CDH18: variants seen among roughly 807,000 people sequenced by gnomAD.
The protein encoded by CDH18 is cadherin-18.
Under a neutral mutation model 67.9 loss-of-function variants are expected in CDH18, and 31 were observed. The ratio of observed to expected loss-of-function variants is 0.46; its 90% CI spans 0.34 to 0.62. The LOEUF (loss-of-function observed/expected upper bound fraction) is 0.62. CDH18 is among the 20% of genes least tolerant of loss of function. The pLI, the probability that CDH18 is intolerant of heterozygous loss-of-function variation, is 0.01. For missense variants in CDH18, 890 were observed against 975.5 expected, an observed-to-expected ratio of 0.91 and a Z score of 1.17; for synonymous variants, 362 against 347.2, an observed-to-expected ratio of 1.04 and a Z score of -0.48.
At chr5:20,198,940 C>T (rs115141811) in intron 2 of CDH18, among the ~76,000 whole-genome samples, 5,870 of 152,296 alleles carry the variant, frequency 0.039, 241 homozygotes, top group African/African-American at 0.1. Context: ...TGAGAGTGCA[C>T]AGAAGACAAT....
At chr5:20,117,876 G>A (rs1309817282) in intron 2 of CDH18, among the ~76,000 whole-genome samples, 1 of 152,130 alleles carries the variant, frequency 6.6e-6, no homozygotes, top group African/African-American at 2.4e-5. Flanking sequence ...AAGAATAGCT[G>A]AAGCAACACC....
At chr5:20,094,799 T>G (rs112536770) in intron 2 of CDH18, among the ~76,000 whole-genome samples, 1 of 152,216 alleles carries the variant, frequency 6.6e-6, no homozygotes, top group African/African-American at 2.4e-5. Context: ...GCAATCTCAT[T>G]ACTGGGTATA....
At chr5:19,945,567 A>G (rs1419801837) in intron 2 of CDH18, among the ~76,000 whole-genome samples, 1 of 152,206 alleles carries the variant, frequency 6.6e-6, no homozygotes, top group Non-Finnish European at 1.5e-5. Flanking sequence ...TTTTAGTATT[A>G]TTTGACAAAT....
At chr5:19,768,997 G>T (rs62353617) in intron 3 of CDH18, among the ~76,000 whole-genome samples, 4,100 of 151,898 alleles carry the variant, frequency 0.027, 74 homozygotes, top group Non-Finnish European at 0.043. Flanking sequence ...ATTGACAAGA[G>T]GTCAATTGAG....
intron 2 of CDH18, among the ~76,000 whole-genome samples, chr5:20,049,978 C>T (rs942138761): frequency 4.6e-5 from 7 of 151,288 alleles, no homozygotes; most frequent in Non-Finnish European, 8.9e-5. Flanking sequence ...GATATAGTGA[C>T]AATGATTAAA....
intron 1 of CDH18, among the ~76,000 whole-genome samples, chr5:20,361,497 T>C (rs7706241): frequency 0.014 from 2,150 of 152,194 alleles, 37 homozygotes; most frequent in African/African-American, 0.049. Context: ...TATGTTCTTA[T>C]TGGAATCATA....
chr5:19,644,837 G>A (rs1442593429), intron 5 of CDH18, among the ~76,000 whole-genome samples: 1 of 152,094 alleles, frequency 6.6e-6, no homozygotes, highest in Non-Finnish European at 1.5e-5. Context: ...ATTTCAGATG[G>A]ATAATGTGCA....
chr5:20,008,820 G>T (rs574058124), intron 2 of CDH18, among the ~76,000 whole-genome samples: 3 of 152,168 alleles, frequency 2.0e-5, no homozygotes, highest in South Asian at 2.1e-4. Context: ...AGAGCAATTT[G>T]CCAGGTGCAA....
At chr5:20,137,386 C>A (rs1327756365) in intron 2 of CDH18, among the ~76,000 whole-genome samples, 1 of 152,134 alleles carries the variant, frequency 6.6e-6, no homozygotes, top group Non-Finnish European at 1.5e-5. Flanking sequence ...GCTACTGAAG[C>A]TTGTGCATGC....
intron 1 of CDH18, among the ~76,000 whole-genome samples, chr5:20,272,080 CA>C (rs1161125600): frequency 2.6e-5 from 4 of 151,630 alleles, no homozygotes; most frequent in Non-Finnish European, 5.9e-5. Context: ...TGAATTGGAT[CA>C]AAAATAGGAT....
At chr5:20,285,988 C>A (rs1444410102) in intron 1 of CDH18, among the ~76,000 whole-genome samples, 1 of 151,536 alleles carries the variant, frequency 6.6e-6, no homozygotes, top group Admixed American at 6.6e-5. Context: ...CTGTCAGCAA[C>A]ATATTTTCTT....
intron 1 of CDH18, among the ~76,000 whole-genome samples, chr5:19,986,134 T>C (rs1281116360): frequency 6.6e-6 from 1 of 152,216 alleles, no homozygotes; most frequent in Non-Finnish European, 1.5e-5. Flanking sequence ...ATCTAAATAA[T>C]TTATAAAGTT....
Position 20,392,399 on chromosome 5 carries a change from C to T in CDH18, c.-579-136894G>A, listed in dbSNP as rs146446473. The stretch of plus-strand genomic sequence containing the variant: ...TTATATATGATTTCAGATAGATTAT[C>T]TTTATCCAATGGTCCCTATCTCTTA... On this transcript the variant is annotated intron_variant, in intron 1 of 14. Transcript: ENST00000507958. Among the ~76,000 whole-genome samples, 279 of 151,892 alleles carry T rather than the reference C, an allele frequency of 1.8e-3. 3 individuals carry two copies. Among genetic ancestry groups the T allele is most frequent in the African/African-American group, 6.1e-3 (252 of 41,526 alleles).
chr5:20,140,250 T>C (rs547824247), intron 2 of CDH18, among the ~76,000 whole-genome samples: 13 of 152,028 alleles, frequency 8.6e-5, no homozygotes, highest in Non-Finnish European at 1.3e-4. Context: ...TTCTCACTCA[T>C]AGGTGGGAAT....
At chr5:20,416,431 A>G (rs1220460466) in intron 1 of CDH18, among the ~76,000 whole-genome samples, 4 of 152,164 alleles carry the variant, frequency 2.6e-5, no homozygotes, top group Admixed American at 6.5e-5. Context: ...ATGAAAATGC[A>G]TCATAATAAG....
At chr5:19,511,734 A>C (rs1205748213) in intron 10 of CDH18, among the ~76,000 whole-genome samples, 1 of 152,148 alleles carries the variant, frequency 6.6e-6, no homozygotes, top group Non-Finnish European at 1.5e-5. Context: ...AAAATCATTC[A>C]GTTTTATGCA....
chr5:20,563,545 A>T (rs11957714), intron 1 of CDH18, among the ~76,000 whole-genome samples: 42,519 of 151,906 alleles, frequency 0.28, 6,776 homozygotes, highest in Middle Eastern at 0.4. Flanking sequence ...AAACTACTTA[A>T]ATGTCAATTT....
chr5:20,025,977 T>C (rs548387209), intron 2 of CDH18, among the ~76,000 whole-genome samples: 29 of 152,338 alleles, frequency 1.9e-4, no homozygotes, highest in South Asian at 8.3e-4. Context: ...TAGTATAAAC[T>C]TCAGTTTTGA....
intron 1 of CDH18, among the ~76,000 whole-genome samples, chr5:20,361,420 G>T (rs971727622): frequency 6.6e-6 from 1 of 151,966 alleles, no homozygotes; most frequent in Non-Finnish European, 1.5e-5. Context: ...CCAATTTAAT[G>T]TCTTCAATTG....
Sources: allele counts gnomAD v4.1 joint callset (sites outside exome capture counted in the v4.1 genomes callset), GRCh38; gene constraint gnomAD v4.1.1; transcripts MANE v1.5; gene names NCBI Gene and HGNC (gene_info 2026-07-23, HGNC 2026-07-21).